The following LYST variants were observed in gnomAD, a reference collection of about 807,000 sequenced individuals.
LYST encodes lysosomal-trafficking regulator.
A neutral mutation model predicts 413.6 loss-of-function variants in LYST; 192 were observed. That is an observed-to-expected ratio of 0.46 (90% CI 0.41 to 0.52). The LOEUF is 0.52. LYST is among the 20% of genes least tolerant of loss of function. The pLI is 0.00. For synonymous variants in LYST, 1,525 were observed against 1,567.3 expected, an observed-to-expected ratio of 0.97 and a Z score of 0.64; for missense variants, 3,815 against 4,499.9, an observed-to-expected ratio of 0.85 and a Z score of 4.35.
chr1:235,749,554 C>T (rs766486214), intron 28 of LYST, among the ~76,000 whole-genome samples: 2 of 152,034 alleles, frequency 1.3e-5, no homozygotes, highest in Non-Finnish European at 2.9e-5. Context: ...TTCTAGGATG[C>T]AGTGGGTCTT....
chr1:235,737,919 C>CAGGG, intron 31 of LYST: 1 of 1,160,712 alleles, frequency 8.6e-7, no homozygotes, highest in Admixed American at 4.5e-5. Context: ...GCCGACGAGT[C>CAGGG]TGGATCTCAC....
In LYST at chr1:235,806,386, C is replaced by T. The variant is rs1487802198; in HGVS notation, c.2750G>A (p.Arg917Lys). Reference protein sequence around the residue: ...LCVSKEAESDRESANDSEDTS... With the variant: ...LCVSKEAESDKESANDSEDTS... ...ATCTTCTGAGTCATTGGCCGACTCC[C>T]TGTCAGACTCTGCTTCTTTACTTAC... is the stretch of plus-strand genomic sequence containing the variant. Residue 917 changes from arginine to lysine, a missense_variant, in exon 6 of 53, where the codon AGG becomes AAG. Arg to Lys is a conservative substitution (Grantham distance 26). Coordinates refer to ENST00000389793, the MANE Select transcript of LYST (RefSeq NM_000081.4). 1 of 1,614,036 alleles carries T rather than the reference C, an allele frequency of 6.2e-7. No homozygotes were observed. Among genetic ancestry groups the T allele is most frequent in the Non-Finnish European group, 8.5e-7 (1 of 1,179,998 alleles).
rs1667363734 is a variant in LYST at position 235,759,436 on chromosome 1, A to G, written c.6417T>C (p.Tyr2139=). The G allele has an allele frequency of 1.9e-6, 3 of 1,614,132 alleles. No homozygotes were observed. Among genetic ancestry groups the G allele is most frequent in the Admixed American group, 1.7e-5 (1 of 60,002 alleles). Residue 2139 remains tyrosine (Y), a synonymous_variant, in exon 23 of 53, where the codon TAT becomes TAC. Transcript: ENST00000389793. The part of the protein sequence containing the change: ...IDRLQNIADT[Y]VATQSKKQNS... ...TTTGTTTCTTTGATTGGGTGGCAAC[A>G]TAAGTATCTGCAATATTTTGTAACC... is the stretch of plus-strand genomic sequence containing the variant.
At chr1:235,708,312 A>G (rs113868421) in intron 44 of LYST, among the ~76,000 whole-genome samples, 1 of 152,320 alleles carries the variant, frequency 6.6e-6, no homozygotes, top group East Asian at 1.9e-4. Context: ...AAGTACAAGT[A>G]CTTTTTCTGT....
chr1:235,799,873 A>G (rs1056712001), intron 10 of LYST, among the ~76,000 whole-genome samples: 5 of 145,600 alleles, frequency 3.4e-5, no homozygotes, highest in African/African-American at 1.3e-4. Flanking sequence ...AACAAACGAG[A>G]TAATGCATAT....
At chr1:235,872,261 A>G (rs964920380) in intron 1 of LYST, among the ~76,000 whole-genome samples, 1 of 146,634 alleles carries the variant, frequency 6.8e-6, no homozygotes, top group Admixed American at 7.1e-5. Flanking sequence ...GCACCACTGC[A>G]CTCCAGCCCA....
chr1:235,693,437 G>T lies in LYST; in HGVS notation c.10614C>A (p.Ser3538Arg). 1 of 1,612,744 alleles carries T rather than the reference G, an allele frequency of 6.2e-7. No homozygotes were observed. The highest frequency in any genetic ancestry group is 1.1e-5 in the South Asian group (1 of 91,076). Residue 3538 changes from serine to arginine, a missense_variant, in exon 47 of 53, where the codon AGC becomes AGA. This residue lies in a region of LYST where 866 missense variants were observed against 1,156.0 expected (regional missense o/e 0.75). Transcript: ENST00000389793. ...STDIQWSAIL[S>R]WGYADNILRL... ...TTAAAATATTATCAGCATATCCCCA[G>T]CTCAGGATGGCTGACCACTGAATGT...
intron 9 of LYST, 139 bp from the exon 10 acceptor site, chr1:235,800,525 A>G: frequency 6.4e-6 from 4 of 620,656 alleles, no homozygotes; most frequent in Non-Finnish European, 1.1e-5. Flanking sequence ...AAAGACTACT[A>G]TGTGTAGGAT....
chr1:235,724,512 T>C (rs1663675914), intron 38 of LYST, among the ~76,000 whole-genome samples: 1 of 152,210 alleles, frequency 6.6e-6, no homozygotes, highest in African/African-American at 2.4e-5. Context: ...GGACACTAAT[T>C]ACAATTGATG....
rs1291954184 is a variant in LYST at position 235,766,169 on chromosome 1, T to C, written c.6031A>G (p.Ile2011Val). 6 of 1,613,098 alleles carry C rather than the reference T, an allele frequency of 3.7e-6. No individual in the cohort carries two copies. In the East Asian group the frequency reaches 6.7e-5, roughly 18 times the overall value. Residue 2011 changes from isoleucine (I) to valine (V), a missense_variant, in exon 21 of 53, where the codon ATT (isoleucine) becomes GTT (valine). Physicochemically the swap from Ile to Val is conservative, Grantham distance 29. Transcript: ENST00000389793. ...ACTGCTAAAAGGAAATTGAAGATAA[T>C]TGTCAATAATTCCAAATCTGGAGGA... Reference protein sequence around the residue: ...GSPPDLELLTIIFNFLLAVHP... With the variant: ...GSPPDLELLTVIFNFLLAVHP...
chr1:235,822,985 C>T (rs1674926980), intron 3 of LYST, among the ~76,000 whole-genome samples: 1 of 152,200 alleles, frequency 6.6e-6, no homozygotes, highest in African/African-American at 2.4e-5. Context: ...CAGCTGATAC[C>T]TCAAGGAGCC....
chr1:235,831,855 A>G (rs1676022991), intron 2 of LYST, among the ~76,000 whole-genome samples: 1 of 152,174 alleles, frequency 6.6e-6, no homozygotes, highest in African/African-American at 2.4e-5. Flanking sequence ...TATTCAGTTC[A>G]TATTTATCCA....
intron 45 of LYST, among the ~76,000 whole-genome samples, chr1:235,700,670 G>A (rs565628664): frequency 7.7e-4 from 118 of 152,314 alleles, no homozygotes; most frequent in African/African-American, 2.8e-3. Context: ...AAGTTTCACC[G>A]TGGTTCAAAT....
At position 235,697,431 on chromosome 1, in the gene LYST, T is replaced by G. The variant is rs112961250; in HGVS notation, c.10375-159A>C. Among the ~76,000 whole-genome samples the G allele has an allele frequency of 4.2e-3, 638 of 152,324 alleles. 4 individuals carry two copies. Among genetic ancestry groups the G allele is most frequent in the African/African-American group, 0.014 (602 of 41,560 alleles). ...CGCATTTTTTTTTACTTCCCCATGCTTAGCGTATAGAAATATTTGTCCCTT... is the reference window on the plus strand; with the variant it reads ...CGCATTTTTTTTTACTTCCCCATGCGTAGCGTATAGAAATATTTGTCCCTT... On this transcript the variant is annotated intron_variant, in intron 45 of 52. Transcript: ENST00000389793.
At chr1:235,775,842 CA>C (rs1439502603) in intron 17 of LYST, among the ~76,000 whole-genome samples, 3 of 151,966 alleles carry the variant, frequency 2.0e-5, no homozygotes, top group African/African-American at 7.3e-5. Flanking sequence ...AGACCAGGTT[CA>C]CAAGGCAGGT....
At chr1:235,718,296 C>CCTAGGCCA in intron 40 of LYST, among the ~76,000 whole-genome samples, 1 of 152,022 alleles carries the variant, frequency 6.6e-6, no homozygotes, top group East Asian at 1.9e-4. Flanking sequence ...ATACTATTAC[C>CCTAGGCCA]CTAGGCCACA....
At chr1:235,862,500 A>C (rs1246153262) in intron 1 of LYST, among the ~76,000 whole-genome samples, 1 of 152,128 alleles carries the variant, frequency 6.6e-6, no homozygotes, top group Non-Finnish European at 1.5e-5. Context: ...GGATCTTAGA[A>C]CATATCTCCC....
chr1:235,781,835 A>T, intron 15 of LYST, 92 bp downstream of exon 15: 1 of 838,766 alleles, frequency 1.2e-6, no homozygotes, highest in Non-Finnish European at 2.0e-6. Context: ...ATATTTGTTA[A>T]CTGAGAAAAA....
At chr1:235,673,109 C>T (rs1285929442) in intron 50 of LYST, among the ~76,000 whole-genome samples, 1 of 152,134 alleles carries the variant, frequency 6.6e-6, no homozygotes, top group African/African-American at 2.4e-5. Context: ...AAGGGTAGAC[C>T]CATTATACCC....
Sources: allele counts gnomAD v4.1 joint callset (sites outside exome capture counted in the v4.1 genomes callset), GRCh38; gene constraint gnomAD v4.1.1; regional missense constraint gnomAD v4.1.1; transcripts MANE v1.5; gene names NCBI Gene and HGNC (gene_info 2026-07-23, HGNC 2026-07-21).